The following XKR4 variants were observed in gnomAD, a reference collection of about 807,000 sequenced individuals.
The protein encoded by XKR4 is XK-related protein 4.
XKR4 carries 12 observed loss-of-function variants against 53.9 expected under a neutral mutation model. The observed-to-expected ratio is 0.22, with a 90% CI of 0.14 to 0.36. XKR4 has a LOEUF of 0.36. XKR4 is among the 10% of genes least tolerant of loss of function. The probability of loss-of-function intolerance (pLI) is 1.00; values close to 1 mark genes in which losing one functional copy is unlikely to be tolerated. For missense variants in XKR4, 799 were observed against 859.5 expected, an observed-to-expected ratio of 0.93 and a Z score of 0.88; for synonymous variants, 354 against 362.4, an observed-to-expected ratio of 0.98 and a Z score of 0.26.
intron 1 of XKR4, among the ~76,000 whole-genome samples, chr8:55,129,269 C>T (rs899916): frequency 0.57 from 85,908 of 151,954 alleles, 24,873 homozygotes; most frequent in South Asian, 0.72. Context: ...TTTTCTAAGA[C>T]AAAGAAATAA....
intron 1 of XKR4, among the ~76,000 whole-genome samples, chr8:55,289,733 GAAAGAAAGAA>G (rs1172212613): frequency 1.6e-4 from 7 of 43,004 alleles, no homozygotes; most frequent in African/African-American, 3.0e-4. Flanking sequence ...GAGAAAGAAA[GAAAGAAAGAA>G]AAAGAAAGAA....
chr8:55,305,111 A>G (rs1586000085), intron 1 of XKR4, among the ~76,000 whole-genome samples: 1 of 152,128 alleles, frequency 6.6e-6, no homozygotes, highest in African/African-American at 2.4e-5. Context: ...AAGGTCTAGA[A>G]CCCACTGTTC....
At chr8:55,427,717 C>A (rs1805038184) in intron 2 of XKR4, among the ~76,000 whole-genome samples, 1 of 152,212 alleles carries the variant, frequency 6.6e-6, no homozygotes, top group African/African-American at 2.4e-5. Flanking sequence ...ATTTCAAGAG[C>A]AAATCTGCCT....
intron 1 of XKR4, among the ~76,000 whole-genome samples, chr8:55,104,806 C>T (rs1816116416): frequency 6.6e-6 from 1 of 152,106 alleles, no homozygotes; most frequent in African/African-American, 2.4e-5. Context: ...AATATGATAG[C>T]TATATTTCCC....
chr8:55,489,827 G>A (rs1221407502), intron 2 of XKR4, among the ~76,000 whole-genome samples: 1 of 151,896 alleles, frequency 6.6e-6, no homozygotes. Context: ...ACATTAAATT[G>A]GTTACAGTAT....
intron 2 of XKR4, among the ~76,000 whole-genome samples, chr8:55,374,998 T>C (rs1342611935): frequency 2.0e-5 from 3 of 152,168 alleles, no homozygotes; most frequent in Admixed American, 2.0e-4. Context: ...CAGTTTGCAG[T>C]AACAAGGGTG....
intron 1 of XKR4, among the ~76,000 whole-genome samples, chr8:55,125,105 G>A (rs1816444616): frequency 6.6e-6 from 1 of 152,226 alleles, no homozygotes; most frequent in Non-Finnish European, 1.5e-5. Context: ...GTTGATGGTA[G>A]AAGTAAGTAT....
chr8:55,408,877 T>G (rs778311654), intron 2 of XKR4, among the ~76,000 whole-genome samples: 1 of 151,818 alleles, frequency 6.6e-6, no homozygotes, highest in Non-Finnish European at 1.5e-5. Flanking sequence ...CATGGTGGCG[T>G]GCGCCTGTAG....
At chr8:55,162,182 T>C (rs1816994297) in intron 1 of XKR4, among the ~76,000 whole-genome samples, 1 of 152,216 alleles carries the variant, frequency 6.6e-6, no homozygotes, top group Non-Finnish European at 1.5e-5. Context: ...TTTCTCCTCA[T>C]GATGTTCATC....
chr8:55,158,155 G>A (rs1585910256), intron 1 of XKR4, among the ~76,000 whole-genome samples: 1 of 152,138 alleles, frequency 6.6e-6, no homozygotes, highest in African/African-American at 2.4e-5. Flanking sequence ...TTTCTCTGCA[G>A]CCTTGCCAGC....
chr8:55,443,507 T>C (rs896551522), intron 2 of XKR4, among the ~76,000 whole-genome samples: 1 of 135,040 alleles, frequency 7.4e-6, no homozygotes, highest in African/African-American at 2.7e-5. Flanking sequence ...ACTGTTTGTT[T>C]GTAGATTTAT....
intron 2 of XKR4, among the ~76,000 whole-genome samples, chr8:55,424,908 T>C (rs920741786): frequency 2.8e-4 from 42 of 152,238 alleles, no homozygotes; most frequent in Admixed American, 1.4e-3. Flanking sequence ...GCCTCTGGCA[T>C]AGAGTTTTAC....
intron 1 of XKR4, among the ~76,000 whole-genome samples, chr8:55,334,673 T>C (rs541796880): frequency 4.0e-4 from 61 of 152,256 alleles, no homozygotes; most frequent in African/African-American, 1.4e-3. Flanking sequence ...TAAAGTAATT[T>C]TAATAAAGCA....
At chr8:55,452,539 G>C (rs905785462) in intron 2 of XKR4, 11 of 688,692 alleles carry the variant, frequency 1.6e-5, no homozygotes, top group Non-Finnish European at 2.9e-5. Flanking sequence ...AGCCTCAATA[G>C]CTTGGGTTTC....
In XKR4 at chr8:55,532,724, G is replaced by C. The variant is rs1806971304; in HGVS notation, c.*8497G>C. The C allele has an allele frequency of 6.7e-6, 1 of 149,244 alleles. No individual in the cohort carries two copies. The allele number at this position is 149,244 out of a possible 1,614,324, so 9.2% of individuals were successfully genotyped here. On this transcript the variant is annotated 3_prime_UTR_variant, in exon 3 of 3. Coordinates refer to ENST00000327381, the MANE Select transcript of XKR4 (RefSeq NM_052898.2). Reference sequence around the variant, plus strand: ...AGGCAGGAGAATGGCATGAACCCAGGAGGCAGAGCTTGCAGTGAGCCAAGA... The same window carrying C: ...AGGCAGGAGAATGGCATGAACCCAGCAGGCAGAGCTTGCAGTGAGCCAAGA...
At chr8:55,449,452 C>G (rs1474630034) in intron 2 of XKR4, 6 of 834,108 alleles carry the variant, frequency 7.2e-6, no homozygotes, top group Non-Finnish European at 1.2e-5. Flanking sequence ...GCTGCCCTGC[C>G]CACCCCTAGT....
intron 2 of XKR4, among the ~76,000 whole-genome samples, chr8:55,392,399 T>C (rs963533018): frequency 6.6e-6 from 1 of 152,230 alleles, no homozygotes; most frequent in Non-Finnish European, 1.5e-5. Context: ...AAAGGGACTT[T>C]GGCCAAAGAT....
At chr8:55,229,022 A>G (rs1017497722) in intron 1 of XKR4, among the ~76,000 whole-genome samples, 1 of 151,360 alleles carries the variant, frequency 6.6e-6, no homozygotes, top group Non-Finnish European at 1.5e-5. Context: ...AAAACAAAAC[A>G]AAACAACAAC....
intron 1 of XKR4, among the ~76,000 whole-genome samples, chr8:55,184,846 AT>A (rs1191474321): frequency 1.1e-5 from 1 of 88,338 alleles, no homozygotes; most frequent in African/African-American, 4.4e-5. Flanking sequence ...GTGTAGATCT[AT>A]TTTTTTCTTT....
Sources: allele counts gnomAD v4.1 joint callset (sites outside exome capture counted in the v4.1 genomes callset), GRCh38; gene constraint gnomAD v4.1.1; transcripts MANE v1.5; gene names NCBI Gene and HGNC (gene_info 2026-07-23, HGNC 2026-07-21).